The following ERCC6 variants were observed in gnomAD, a reference collection of about 807,000 sequenced individuals.
The protein encoded by ERCC6 is DNA excision repair protein ERCC-6.
Under a neutral mutation model 158.7 loss-of-function variants are expected in ERCC6, and 116 were observed. The observed-to-expected ratio is 0.73, with a 90% CI of 0.63 to 0.85. ERCC6 has a LOEUF of 0.85. ERCC6 is among the 40% of genes least tolerant of loss of function. The pLI is 0.00. For synonymous variants in ERCC6, 678 were observed against 659.3 expected (o/e 1.03, Z -0.43); for missense variants, 1,698 against 1,799.4 (o/e 0.94, Z 1.02).
chr10:49,469,289 A>C (rs1850729801), intron 18 of ERCC6, among the ~76,000 whole-genome samples: 1 of 152,224 alleles, frequency 6.6e-6, no homozygotes. Flanking sequence ...GATCTTAAAA[A>C]TCAACTTGTA....
At chr10:49,452,257 T>C (rs773549257), downstream of ERCC6, among the ~76,000 whole-genome samples, 2 of 151,990 alleles carry the variant, frequency 1.3e-5, no homozygotes, top group African/African-American at 2.4e-5. Context: ...CTCTAAGCAC[T>C]TTTTTAGCTG....
At chr10:49,452,319 T>G (rs1050653950), downstream of ERCC6, among the ~76,000 whole-genome samples, 7 of 152,206 alleles carry the variant, frequency 4.6e-5, no homozygotes, top group Non-Finnish European at 8.8e-5. Context: ...AAAGTGCTGA[T>G]TACCTTCTTG....
intron 2 of ERCC6, among the ~76,000 whole-genome samples, chr10:49,532,249 C>A (rs1837486067): frequency 6.6e-6 from 1 of 152,176 alleles, no homozygotes; most frequent in Non-Finnish European, 1.5e-5. Context: ...GTGCACCTCT[C>A]CTGAGATCAC....
In ERCC6 at chr10:49,516,622, A is replaced by G. The variant is rs745575045; in HGVS notation, c.1397+7411T>C. On this transcript the variant is annotated intron_variant, in intron 5 of 20. Transcript: ENST00000355832. ...AGATGTACACCTTTACTGCAAGCAT[A>G]TAAGTTGGAGTACTTGACAATGAGT... The G allele has an allele frequency of 8.7e-6, 14 of 1,614,080 alleles. No individual in the cohort carries two copies. The highest frequency in any genetic ancestry group is 3.3e-5 in the Admixed American group (2 of 60,006).
chr10:49,500,564 C>G lies in ERCC6; in HGVS notation c.1659G>C (p.Lys553Asn), dbSNP rs116373975. ...TGTAATTTGAACCACGAGTCCTGAT[C>G]TTGCTGTAGCTCAGACCTGCCAAGA... Reference protein sequence around the residue: ...IAFLAGLSYSKIRTRGSNYRF... With the variant: ...IAFLAGLSYSNIRTRGSNYRF... Residue 553 changes from lysine (K) to asparagine (N), a missense_variant, in exon 7 of 21, where the codon AAG becomes AAC. By Grantham distance (94) the Lys-to-Asn change is moderately conservative. Coordinates refer to ENST00000355832, the MANE Select transcript of ERCC6 (RefSeq NM_000124.4). The G allele has an allele frequency of 3.1e-6, 5 of 1,613,944 alleles. No homozygotes were observed. In the East Asian group the frequency reaches 1.1e-4, roughly 36 times the overall value.
chr10:49,445,941 C>T, the ERCC6 span, among the ~76,000 whole-genome samples: 1 of 152,168 alleles, frequency 6.6e-6, no homozygotes, highest in Non-Finnish European at 1.5e-5. Context: ...AATCTACCTC[C>T]CGCTACAGAG....
At chr10:49,438,724 T>C in the ERCC6 span, among the ~76,000 whole-genome samples, 1 of 152,210 alleles carries the variant, frequency 6.6e-6, no homozygotes, top group South Asian at 2.1e-4. Flanking sequence ...CTTCTGCCTA[T>C]GAGCCTGTAA....
chr10:49,471,723 C>T (rs1393818422), intron 16 of ERCC6, among the ~76,000 whole-genome samples: 1 of 152,224 alleles, frequency 6.6e-6, no homozygotes, highest in African/African-American at 2.4e-5. Context: ...CACCCTCACA[C>T]AACACTCCCT....
chr10:49,516,055 A>T (rs2132599046), intron 5 of ERCC6: 2 of 1,613,984 alleles, frequency 1.2e-6, no homozygotes, highest in East Asian at 4.5e-5. Context: ...CTGGTGAAAA[A>T]GTTATTGAAT....
chr10:49,493,495 T>C (rs1309746523), intron 7 of ERCC6, among the ~76,000 whole-genome samples: 1 of 152,172 alleles, frequency 6.6e-6, no homozygotes, highest in Non-Finnish European at 1.5e-5. Context: ...CTTAATAATA[T>C]ATTAAGAGAT....
chr10:49,472,760 G>A, intron 15 of ERCC6, 149 bp downstream of exon 15: 1 of 936,728 alleles, frequency 1.1e-6, no homozygotes, highest in East Asian at 2.6e-5. Flanking sequence ...ACTCTGAAGG[G>A]TGTCTTCTTT....
intron 2 of ERCC6, among the ~76,000 whole-genome samples, chr10:49,531,531 A>G (rs1837469161): frequency 6.6e-6 from 1 of 152,208 alleles, no homozygotes; most frequent in Non-Finnish European, 1.5e-5. Context: ...CCAGCCATCT[A>G]GCATCACTCT....
the ERCC6 span, among the ~76,000 whole-genome samples, chr10:49,438,217 G>A: frequency 6.6e-6 from 1 of 152,080 alleles, no homozygotes; most frequent in African/African-American, 2.4e-5. Flanking sequence ...AACTTTAGAA[G>A]GGGAGTATAT....
chr10:49,518,101 C>T (rs759637785), intron 5 of ERCC6, among the ~76,000 whole-genome samples: 5 of 152,230 alleles, frequency 3.3e-5, no homozygotes, highest in Admixed American at 1.3e-4. Context: ...AACTGAAGGA[C>T]AGACAGGACA....
rs1055975266 is a variant in ERCC6 at position 49,530,933 on chromosome 10, C to T, written c.423-93G>A. 2.2e-5 allele frequency: 33 copies of T among 1,527,676 alleles called. No individual in the cohort carries two copies. In the African/African-American group the frequency reaches 3.9e-4, roughly 18 times the overall value. The allele number at this position is 1,527,676 out of a possible 1,614,324, so 94.6% of individuals were successfully genotyped here. A position where few individuals can be genotyped will look rare whatever the true frequency, so the allele number is the denominator to read the frequency against. On this transcript the variant is annotated intron_variant, in intron 2 of 20. Coordinates refer to ENST00000355832, the MANE Select transcript of ERCC6 (RefSeq NM_000124.4). ...AAATGCTAAAAACATGTCCCTTTTA[C>T]TTCTTATTAACTAAAAGATAAAGGA... is the stretch of plus-strand genomic sequence containing the variant.
intron 18 of ERCC6, among the ~76,000 whole-genome samples, chr10:49,468,129 A>G (rs1246885293): frequency 2.0e-5 from 3 of 152,192 alleles, no homozygotes; most frequent in African/African-American, 7.2e-5. Flanking sequence ...TCGAAAAGTT[A>G]AAGAGGAAAG....
chr10:49,459,701 A>T (rs1292167411), intron 20 of ERCC6, among the ~76,000 whole-genome samples: 1 of 152,164 alleles, frequency 6.6e-6, no homozygotes, highest in Admixed American at 6.5e-5. Context: ...TTCCTACCTT[A>T]CATCTAATGC....
chr10:49,470,532 C>T lies in ERCC6; in HGVS notation c.3428G>A (p.Gly1143Asp). 1 of 1,614,202 alleles carries T rather than the reference C, an allele frequency of 6.2e-7. No individual in the cohort carries two copies. Among genetic ancestry groups the T allele is most frequent in the South Asian group, 1.1e-5 (1 of 91,082 alleles). ...SGTGKTSMPSGDESIDEKLGL... is the reference protein window; with the variant it reads ...SGTGKTSMPSDDESIDEKLGL... ...TAACTTTTCATCAATGCTTTCATCA[C>T]CAGATGGCATAGAAGTTTTGCCTGT... Residue 1143 changes from glycine to aspartate, a missense_variant, in exon 18 of 21, where the codon GGT becomes GAT. Transcript: ENST00000355832.
intron 7 of ERCC6, among the ~76,000 whole-genome samples, chr10:49,499,841 A>C (rs1006883094): frequency 6.6e-6 from 1 of 152,216 alleles, no homozygotes; most frequent in Admixed American, 6.5e-5. Flanking sequence ...TAAATTTCTA[A>C]AGAGAATAAA....
Sources: allele counts gnomAD v4.1 joint callset (sites outside exome capture counted in the v4.1 genomes callset), GRCh38; gene constraint gnomAD v4.1.1; transcripts MANE v1.5; gene names NCBI Gene and HGNC (gene_info 2026-07-23, HGNC 2026-07-21).